WWOX: variants seen among roughly 807,000 people sequenced by gnomAD.
WWOX encodes WW domain-containing oxidoreductase.
Under a neutral mutation model 46.2 loss-of-function variants are expected in WWOX, and 69 were observed. The observed-to-expected ratio is 1.49, with a 90% CI of 1.23 to 1.82. The LOEUF (loss-of-function observed/expected upper bound fraction) is 1.82, where lower values mean the gene tolerates loss of function less well. Ranked by LOEUF, WWOX falls within the 40% of genes most tolerant of loss-of-function variation. The pLI is 0.00. For missense variants in WWOX, 919 were observed against 542.6 expected, an observed-to-expected ratio of 1.69 and a Z score of -6.89; for synonymous variants, 359 against 202.6, an observed-to-expected ratio of 1.77 and a Z score of -6.56.
At chr16:79,101,628 C>T (rs1219442090) in intron 8 of WWOX, 1 of 151,848 alleles carries the variant, frequency 6.6e-6, no homozygotes, top group Non-Finnish European at 1.5e-5. Flanking sequence ...CTCTGAAATA[C>T]ATGTCCACAG....
At chr16:78,473,822 G>A (rs539841396) in intron 8 of WWOX, among the ~76,000 whole-genome samples, 1 of 152,220 alleles carries the variant, frequency 6.6e-6, no homozygotes, top group Non-Finnish European at 1.5e-5. Flanking sequence ...CCTCTAAGAT[G>A]ATCCAGCTGT....
intron 8 of WWOX, among the ~76,000 whole-genome samples, chr16:78,793,925 A>T (rs2050673144): frequency 6.6e-6 from 1 of 152,090 alleles, no homozygotes; most frequent in African/African-American, 2.4e-5. Flanking sequence ...AAAAAGTGAA[A>T]TTTTTGATAT....
chr16:78,775,501 A>G (rs1466334349), intron 8 of WWOX, among the ~76,000 whole-genome samples: 1 of 152,234 alleles, frequency 6.6e-6, no homozygotes, highest in East Asian at 1.9e-4. Flanking sequence ...AAGTCACTGT[A>G]GCGCCCTCCG....
intron 8 of WWOX, among the ~76,000 whole-genome samples, chr16:78,782,833 C>G (rs868387820): frequency 6.6e-6 from 1 of 152,096 alleles, no homozygotes; most frequent in Admixed American, 6.6e-5. Flanking sequence ...TTATGTTTCA[C>G]TAAGAGTGCG....
intron 8 of WWOX, among the ~76,000 whole-genome samples, chr16:79,142,963 C>G (rs2050118225): frequency 2.0e-5 from 3 of 152,168 alleles, no homozygotes; most frequent in East Asian, 1.9e-4. Flanking sequence ...CTCAGCCTCC[C>G]AAAGAGCAGA....
chr16:79,028,292 G>A (rs1220719723), intron 8 of WWOX, among the ~76,000 whole-genome samples: 1 of 151,780 alleles, frequency 6.6e-6, no homozygotes, highest in African/African-American at 2.4e-5. Context: ...CCAGTGTCTG[G>A]CAAATGGAAA....
rs939613899 is a variant in WWOX, at chr16:79,212,421, G to T, written c.*625G>T. The T allele has an allele frequency of 2.8e-6, 1 of 362,250 alleles. No homozygotes were observed. Among genetic ancestry groups the T allele is most frequent in the East Asian group, 4.5e-5 (1 of 22,036 alleles). 22.4% of individuals were successfully genotyped at this position (362,250 alleles called of 1,614,324 possible). On this transcript the variant is annotated 3_prime_UTR_variant, in exon 9 of 9. Transcript: ENST00000566780. ...ACTTGTCATAGACTCCTTTGCTAAT[G>T]CTATGCAAAAAATTCTTTAGAGATT...
intron 8 of WWOX, among the ~76,000 whole-genome samples, chr16:78,874,684 CTTTTTTTTTTTT>C (rs552696627): frequency 3.6e-5 from 3 of 83,494 alleles, no homozygotes; most frequent in African/African-American, 4.5e-5. Flanking sequence ...AGATTTTTTT[CTTTTTTTTTTTT>C]TTTTTTTTTT....
intron 8 of WWOX, among the ~76,000 whole-genome samples, chr16:78,720,779 T>A (rs970033203): frequency 1.3e-5 from 2 of 152,140 alleles, no homozygotes; most frequent in African/African-American, 4.8e-5. Context: ...CAAACTCTAT[T>A]ATACAAGCAG....
At chr16:78,402,261 C>T (rs1443611109) in intron 6 of WWOX, among the ~76,000 whole-genome samples, 3 of 152,142 alleles carry the variant, frequency 2.0e-5, no homozygotes, top group South Asian at 2.1e-4. Flanking sequence ...CTGGCTTTCA[C>T]TTAGCATAAT....
chr16:78,734,695 A>T (rs117616786), intron 8 of WWOX, among the ~76,000 whole-genome samples: 9 of 151,958 alleles, frequency 5.9e-5, no homozygotes, highest in African/African-American at 1.9e-4. Flanking sequence ...TGAGGTGAAC[A>T]TTTAAATCAG....
At chr16:78,740,155 T>A (rs1284260477) in intron 8 of WWOX, among the ~76,000 whole-genome samples, 2 of 152,122 alleles carry the variant, frequency 1.3e-5, no homozygotes, top group East Asian at 3.9e-4. Context: ...TTGCATCTCC[T>A]GAAAACTCCA....
At chr16:78,287,066 C>T (rs1164510662) in intron 5 of WWOX, among the ~76,000 whole-genome samples, 1 of 152,162 alleles carries the variant, frequency 6.6e-6, no homozygotes, top group Non-Finnish European at 1.5e-5. Context: ...TTTGGTAATA[C>T]AACGGGACAA....
At chr16:78,283,444 G>A (rs1475147449) in intron 5 of WWOX, among the ~76,000 whole-genome samples, 3 of 152,094 alleles carry the variant, frequency 2.0e-5, no homozygotes, top group African/African-American at 7.2e-5. Flanking sequence ...AATAACTTTT[G>A]TTTAGTGAAA....
At chr16:78,159,671 G>GTTTTTTTTTTTTTTTTTTTTTT (rs1343670783) in intron 4 of WWOX, among the ~76,000 whole-genome samples, 1 of 84,600 alleles carries the variant, frequency 1.2e-5, no homozygotes, top group Admixed American at 1.4e-4. Flanking sequence ...TAAAATCTGT[G>GTTTTTTTTTTTTTTTTTTTTTT]GTTTTTTTTT....
chr16:78,820,568 G>C (rs2051465840), intron 8 of WWOX, among the ~76,000 whole-genome samples: 2 of 152,130 alleles, frequency 1.3e-5, no homozygotes, highest in Admixed American at 1.3e-4. Flanking sequence ...ATGAACTTAG[G>C]ATTAGTGTGG....
At chr16:78,378,583 C>T (rs2081882565) in intron 5 of WWOX, among the ~76,000 whole-genome samples, 2 of 152,192 alleles carry the variant, frequency 1.3e-5, no homozygotes, top group Non-Finnish European at 2.9e-5. Context: ...TATTGTAGTT[C>T]AGTGAATAAT....
At chr16:79,160,123 G>A (rs1337747967) in intron 8 of WWOX, among the ~76,000 whole-genome samples, 2 of 152,226 alleles carry the variant, frequency 1.3e-5, no homozygotes, top group African/African-American at 4.8e-5. Context: ...CACTCGGCAA[G>A]AAGCCGTTGG....
At chr16:78,782,218 A>T (rs1270070080) in intron 8 of WWOX, among the ~76,000 whole-genome samples, 1 of 151,560 alleles carries the variant, frequency 6.6e-6, no homozygotes, top group East Asian at 1.9e-4. Flanking sequence ...CTTCCGATTG[A>T]CCCCACTGGA....
Sources: gnomAD v4.1 joint callset for allele counts (sites outside exome capture counted in the v4.1 genomes callset) on GRCh38, gnomAD v4.1.1 for gene constraint, MANE v1.5 for transcripts, NCBI Gene and HGNC (gene_info 2026-07-23, HGNC 2026-07-21) for gene names.